The following PSMG2 variants were observed in gnomAD, a reference collection of about 807,000 sequenced individuals.
PSMG2 encodes the protein proteasome assembly chaperone 2, also known as CD40 ligand-activated specific transcript 3.
PSMG2 carries 21 observed loss-of-function variants against 31.5 expected under a neutral mutation model. That is an observed-to-expected ratio of 0.67 (90% CI 0.47 to 0.96). PSMG2 has a LOEUF of 0.96. Among genes scored for constraint, PSMG2 ranks in the 40% least tolerant of loss-of-function variants. The pLI is 0.00. For missense variants in PSMG2, 318 were observed against 321.2 expected (o/e 0.99, Z 0.08); for synonymous variants, 120 against 110.4 (o/e 1.09, Z -0.54).
chr18:12,687,366 A>G (rs1371754112), intron 1 of PSMG2, among the ~76,000 whole-genome samples: 1 of 152,170 alleles, frequency 6.6e-6, no homozygotes, highest in Admixed American at 6.5e-5. Flanking sequence ...TTTGATTATA[A>G]TGAGAAAGAT....
chr18:12,709,791 C>T (rs547778557), intron 2 of PSMG2, among the ~76,000 whole-genome samples: 3 of 152,124 alleles, frequency 2.0e-5, no homozygotes, highest in South Asian at 2.1e-4. Flanking sequence ...TGAGCCACCA[C>T]GCCTGGCCTA....
At chr18:12,696,915 A>G (rs1299199492) in intron 1 of PSMG2, among the ~76,000 whole-genome samples, 2 of 152,178 alleles carry the variant, frequency 1.3e-5, no homozygotes, top group Non-Finnish European at 2.9e-5. Flanking sequence ...CAAGAATATT[A>G]ATTTTCTTTA....
At chr18:12,687,805 T>G (rs1411634934) in intron 1 of PSMG2, among the ~76,000 whole-genome samples, 8 of 152,068 alleles carry the variant, frequency 5.3e-5, no homozygotes, top group Non-Finnish European at 1.2e-4. Flanking sequence ...TTTGGGGGGA[T>G]GTAGAGAACT....
At chr18:12,707,613 A>G (rs2040283148) in intron 2 of PSMG2, among the ~76,000 whole-genome samples, 1 of 152,202 alleles carries the variant, frequency 6.6e-6, no homozygotes, top group South Asian at 2.1e-4. Flanking sequence ...ATCAGGGAAC[A>G]CTGGTTATAA....
chr18:12,719,015 CAT>C (rs1680057596), intron 4 of PSMG2, among the ~76,000 whole-genome samples: 4 of 152,148 alleles, frequency 2.6e-5, no homozygotes, highest in Admixed American at 2.0e-4. Flanking sequence ...CAGTTATTTC[CAT>C]ATGTTACCTT....
At position 12,718,594 on chromosome 18, in the gene PSMG2, A is replaced by G. The variant is rs2302768; in HGVS notation, c.366A>G (p.Ser122=). The change falls in exon 4 of 7, where the codon TCA becomes TCG. Residue 122 remains serine (S), a synonymous_variant. Coordinates refer to ENST00000317615, the MANE Select transcript of PSMG2 (RefSeq NM_020232.5). The part of the protein sequence containing the change: ...SSGCARVIVL[S]SSHSYQRNDL... ...GCTGTGCCAGAGTCATTGTTCTTTCAAGCAGTCATTCATATCAGCGTAATG... is the reference window on the plus strand; with the variant it reads ...GCTGTGCCAGAGTCATTGTTCTTTCGAGCAGTCATTCATATCAGCGTAATG... 0.42 allele frequency: 674,366 copies of G among 1,608,078 alleles called. 146,478 individuals are homozygous for G. The highest frequency in any genetic ancestry group is 0.45 in the Non-Finnish European group (532,461 of 1,176,462).
chr18:12,713,686 T>G (rs2040351846), intron 3 of PSMG2, among the ~76,000 whole-genome samples: 1 of 152,196 alleles, frequency 6.6e-6, no homozygotes, highest in Non-Finnish European at 1.5e-5. Flanking sequence ...AGCCAGTTCT[T>G]TTATCCCATA....
intron 1 of PSMG2, among the ~76,000 whole-genome samples, chr18:12,672,367 C>T (rs1337141806): frequency 6.6e-6 from 1 of 152,160 alleles, no homozygotes; most frequent in South Asian, 2.1e-4. Flanking sequence ...CCACCCACCT[C>T]GGCCTCCCAA....
chr18:12,702,353 C>G, upstream of PSMG2: 1 of 684,786 alleles, frequency 1.5e-6, no homozygotes, highest in South Asian at 1.6e-5. Flanking sequence ...GCTCTGCCTA[C>G]TCTGCGTTGC....
chr18:12,697,554 A>C, intron 1 of PSMG2: 1 of 598,816 alleles, frequency 1.7e-6, no homozygotes, highest in Non-Finnish European at 2.8e-6. Context: ...CATGCAAAAA[A>C]CTGGAAATAC....
chr18:12,704,282 A>G (rs563441843), intron 1 of PSMG2, among the ~76,000 whole-genome samples: 5 of 152,244 alleles, frequency 3.3e-5, no homozygotes, highest in South Asian at 2.1e-4. Context: ...GTTGTATAAT[A>G]TATATTCAGT....
chr18:12,710,690 G>C (rs2040321069), intron 2 of PSMG2, among the ~76,000 whole-genome samples: 1 of 152,136 alleles, frequency 6.6e-6, no homozygotes, highest in South Asian at 2.1e-4. Flanking sequence ...AGCTCTAAAG[G>C]CTTGATTAGA....
At chr18:12,718,460 G>A in intron 3 of PSMG2, 57 bp from the exon 4 acceptor site, 2 of 980,920 alleles carry the variant, frequency 2.0e-6, no homozygotes, top group Non-Finnish European at 3.0e-6. Context: ...TAGAATGTTT[G>A]TATGCTCTAA....
intron 1 of PSMG2, among the ~76,000 whole-genome samples, chr18:12,697,616 A>G (rs2040001079): frequency 1.3e-5 from 2 of 152,258 alleles, no homozygotes; most frequent in African/African-American, 4.8e-5. Flanking sequence ...GCAAATTGTG[A>G]TGAGTTATCC....
chr18:12,681,794 A>G (rs1008253586), intron 1 of PSMG2, among the ~76,000 whole-genome samples: 2 of 152,142 alleles, frequency 1.3e-5, no homozygotes, highest in African/African-American at 4.8e-5. Flanking sequence ...TTCTTTGGTT[A>G]TATTACTTTC....
At chr18:12,701,365 T>C (rs1376335065), upstream of PSMG2, among the ~76,000 whole-genome samples, 1 of 151,844 alleles carries the variant, frequency 6.6e-6, no homozygotes, top group African/African-American at 2.4e-5. Flanking sequence ...TGAGAGGGAG[T>C]ATAGTATAAT....
intron 1 of PSMG2, chr18:12,680,629 A>G: frequency 7.3e-7 from 1 of 1,370,184 alleles, no homozygotes; most frequent in Non-Finnish European, 1.0e-6. Context: ...TTATAACTTC[A>G]TTTTAATATC....
At chr18:12,694,951 G>A (rs931978020) in intron 1 of PSMG2, among the ~76,000 whole-genome samples, 4 of 151,626 alleles carry the variant, frequency 2.6e-5, no homozygotes, top group African/African-American at 9.7e-5. Context: ...TCCTGACCTT[G>A]TGATCCGCCC....
chr18:12,693,245 T>C (rs925863954), intron 1 of PSMG2, among the ~76,000 whole-genome samples: 1 of 152,046 alleles, frequency 6.6e-6, no homozygotes, highest in Non-Finnish European at 1.5e-5. Context: ...AAAATACATA[T>C]AAAATAATGT....
Sources: allele counts gnomAD v4.1 joint callset (sites outside exome capture counted in the v4.1 genomes callset), GRCh38; gene constraint gnomAD v4.1.1; transcripts MANE v1.5; gene names NCBI Gene and HGNC (gene_info 2026-07-23, HGNC 2026-07-21).